HDAC8: variants seen among roughly 807,000 people sequenced by gnomAD.
HDAC8 encodes the protein histone deacetylase-like 1.
In HDAC8, 1 loss-of-function variant was observed where a neutral mutation model predicts 32.2. That is an observed-to-expected ratio of 0.03 (90% CI 0.01 to 0.15). The LOEUF is 0.15. Ranked by LOEUF, HDAC8 falls within the 10% of genes least tolerant of loss-of-function variation. The pLI, the probability that HDAC8 is intolerant of heterozygous loss-of-function variation, is 1.00. For missense variants in HDAC8, 117 were observed against 300.0 expected (o/e 0.39, Z 4.51); for synonymous variants, 108 against 113.9 (o/e 0.95, Z 0.33).
intron 4 of HDAC8, among the ~76,000 whole-genome samples, chrX:72,550,498 A>G (rs186377098): frequency 4.3e-4 from 48 of 110,705 alleles, no homozygotes; most frequent in Non-Finnish European, 1.1e-4. Context: ...GACATTTCAC[A>G]CTGTGACCTA....
chrX:72,387,551 C>G (rs782704759), intron 9 of HDAC8, among the ~76,000 whole-genome samples: 2 of 111,835 alleles, frequency 1.8e-5, no homozygotes, highest in South Asian at 7.5e-4. Flanking sequence ...AGAGCTCAGA[C>G]TCCAGAGCCA....
At chrX:72,525,731 G>A (rs977518034) in intron 4 of HDAC8, among the ~76,000 whole-genome samples, 3 of 97,340 alleles carry the variant, frequency 3.1e-5, no homozygotes, top group Non-Finnish European at 4.1e-5. Context: ...GGAGAATGGC[G>A]TGAACCCGGG....
intron 9 of HDAC8, among the ~76,000 whole-genome samples, chrX:72,421,206 T>A (rs2046480120): frequency 9.0e-6 from 1 of 111,685 alleles, no homozygotes; most frequent in East Asian, 2.8e-4. Flanking sequence ...TACCAACTTT[T>A]TTTTTTTAAT....
intron 4 of HDAC8, among the ~76,000 whole-genome samples, chrX:72,545,716 T>C (rs1435682114): frequency 1.8e-5 from 2 of 111,970 alleles, no homozygotes; most frequent in Non-Finnish European, 3.8e-5. Context: ...GTTGGACATG[T>C]ATTGACAGAG....
chrX:72,341,232 T>C (rs1168938926), intron 10 of HDAC8, among the ~76,000 whole-genome samples: 1 of 112,048 alleles, frequency 8.9e-6, no homozygotes, highest in Non-Finnish European at 1.9e-5. Flanking sequence ...AAGAGTGGTA[T>C]ACTCTTGACT....
At chrX:72,551,411 A>G (rs2051066277) in intron 4 of HDAC8, among the ~76,000 whole-genome samples, 1 of 112,161 alleles carries the variant, frequency 8.9e-6, no homozygotes, top group African/African-American at 3.2e-5. Flanking sequence ...TTGTTTTAAG[A>G]ATTAGTGCAT....
At chrX:72,413,942 T>C (rs950146864) in intron 9 of HDAC8, among the ~76,000 whole-genome samples, 5 of 112,065 alleles carry the variant, frequency 4.5e-5, no homozygotes, top group African/African-American at 1.3e-4. Flanking sequence ...AGGTCTGCTT[T>C]ATAAGTCAGT....
chrX:72,380,474 G>T (rs1236408468), intron 9 of HDAC8, among the ~76,000 whole-genome samples: 1 of 111,755 alleles, frequency 8.9e-6, no homozygotes, highest in Non-Finnish European at 1.9e-5. Flanking sequence ...CAGGCTGCTG[G>T]TTTTCACCAT....
rs782394165 is a variant in HDAC8 at position 72,332,910 on chromosome X, C to T, written c.1112-2834G>A. The stretch of plus-strand genomic sequence containing the variant: ...CAAATAATCCACCCGCCTCAGCCTC[C>T]CAAAGTGCTGGGATTACAGGTGTGA... On this transcript the variant is annotated intron_variant, in intron 10 of 10. Transcript: ENST00000373573. Among the ~76,000 whole-genome samples the T allele has an allele frequency of 2.4e-4, 27 of 111,548 alleles. No individual in the cohort carries two copies. The Admixed American group carries it at 2.5e-3, about 10-fold the overall frequency.
chrX:72,542,238 G>C (rs1348158881), intron 4 of HDAC8, among the ~76,000 whole-genome samples: 1 of 112,158 alleles, frequency 8.9e-6, no homozygotes, highest in African/African-American at 3.2e-5. Context: ...AGTGAGAATG[G>C]GTAGAGTGAT....
chrX:72,426,328 G>C (rs1041743402), intron 9 of HDAC8, among the ~76,000 whole-genome samples: 4 of 111,851 alleles, frequency 3.6e-5, no homozygotes, highest in Admixed American at 9.5e-5. Context: ...TATAACCTAA[G>C]GTGTTTACTC....
In HDAC8 at chrX:72,513,956, T is replaced by C. The variant is rs140083545; in HGVS notation, c.438-18688A>G. Among the ~76,000 whole-genome samples, 129 of 112,110 alleles carry C rather than the reference T, an allele frequency of 1.2e-3. 2 individuals are homozygous for C. In the East Asian group the frequency reaches 0.03, roughly 26 times the overall value. ...CCATTAACCATTTTCTTTTAAGTGATAGATGAGAAACTTTTCATTAAATAG... is the reference window on the plus strand; with the variant it reads ...CCATTAACCATTTTCTTTTAAGTGACAGATGAGAAACTTTTCATTAAATAG... On this transcript the variant is annotated intron_variant, in intron 4 of 10. Transcript: ENST00000373573.
chrX:72,359,436 A>G (rs1555951776), intron 9 of HDAC8, among the ~76,000 whole-genome samples: 1 of 111,234 alleles, frequency 9.0e-6, no homozygotes. Context: ...GTGATTCTAG[A>G]CAGGCAGGCA....
At chrX:72,426,239 C>T (rs782076538) in intron 9 of HDAC8, among the ~76,000 whole-genome samples, 2 of 111,983 alleles carry the variant, frequency 1.8e-5, no homozygotes, top group African/African-American at 6.5e-5. Context: ...TAGAGAGATA[C>T]ATTTATGTGG....
intron 7 of HDAC8, among the ~76,000 whole-genome samples, chrX:72,486,243 C>G (rs1556005697): frequency 1.8e-5 from 2 of 112,472 alleles, no homozygotes; most frequent in Non-Finnish European, 3.8e-5. Flanking sequence ...TCAGAGGTAA[C>G]AATGGCAAAT....
At chrX:72,485,917 C>T (rs1017763201) in intron 7 of HDAC8, among the ~76,000 whole-genome samples, 4 of 109,951 alleles carry the variant, frequency 3.6e-5, no homozygotes, top group Non-Finnish European at 7.6e-5. Flanking sequence ...GTCAGGAGAT[C>T]GAGACCATAG....
intron 9 of HDAC8, among the ~76,000 whole-genome samples, chrX:72,409,594 A>G (rs1555969642): frequency 8.9e-6 from 1 of 112,649 alleles, no homozygotes; most frequent in African/African-American, 3.2e-5. Context: ...TATTACTTTT[A>G]TATAACAACG....
At chrX:72,539,264 ACT>A (rs2050624483) in intron 4 of HDAC8, among the ~76,000 whole-genome samples, 1 of 110,911 alleles carries the variant, frequency 9.0e-6, no homozygotes, top group Non-Finnish European at 1.9e-5. Context: ...ACGGAATCTC[ACT>A]CTGTCACCAG....
chrX:72,541,321 C>T (rs2050702277), intron 4 of HDAC8, among the ~76,000 whole-genome samples: 1 of 111,717 alleles, frequency 9.0e-6, no homozygotes, highest in African/African-American at 3.3e-5. Context: ...GAGGTGGGAA[C>T]ATGCCTGGTA....
Sources: allele counts gnomAD v4.1 joint callset (sites outside exome capture counted in the v4.1 genomes callset), GRCh38; gene constraint gnomAD v4.1.1; transcripts MANE v1.5; gene names NCBI Gene and HGNC (gene_info 2026-07-23, HGNC 2026-07-21).